The following MUC17 variants were observed in gnomAD, a reference collection of about 807,000 sequenced individuals.
The protein encoded by MUC17 is mucin-17.
Under a neutral mutation model 170.3 loss-of-function variants are expected in MUC17, and 190 were observed. The observed-to-expected ratio is 1.12, with a 90% CI of 0.99 to 1.26. The LOEUF (loss-of-function observed/expected upper bound fraction) is 1.26, where lower values mean the gene tolerates loss of function less well. Ranked by LOEUF, MUC17 falls within the 50% of genes most tolerant of loss-of-function variation. The pLI is 0.00. For missense variants in MUC17, 6,415 were observed against 5,530.0 expected (o/e 1.16, Z -5.08); for synonymous variants, 2,325 against 2,002.5 (o/e 1.16, Z -4.30).
At chr7:101,054,246 T>C (rs1284459765) in intron 11 of MUC17, among the ~76,000 whole-genome samples, 4 of 152,042 alleles carry the variant, frequency 2.6e-5, no homozygotes, top group Non-Finnish European at 5.9e-5. Flanking sequence ...ACTGAACCAC[T>C]GGGGAGACAC....
Position 101,043,782 on chromosome 7 carries a change from C to A in MUC17, c.12366C>A (p.Asn4122Lys), listed in dbSNP as rs1411227432. Residue 4122 changes from asparagine (N) to lysine (K), a missense_variant, in exon 3 of 13, where the codon AAC (asparagine) becomes AAA (lysine). Transcript: ENST00000306151. Reference sequence around the variant, plus strand: ...CCACGAATACTACAATTAAGAGCAACCCCACCTCAACTCCTACTGTGCCAA... The same window carrying A: ...CCACGAATACTACAATTAAGAGCAAACCCACCTCAACTCCTACTGTGCCAA... ...AVPTNTTIKS[N>K]PTSTPTVPRT... The A allele has an allele frequency of 1.2e-6, 2 of 1,611,938 alleles. No homozygotes were observed. Among genetic ancestry groups the A allele is most frequent in the Non-Finnish European group, 1.7e-6 (2 of 1,178,458 alleles).
rs1463457648 is a variant in MUC17, at chr7:101,038,556, A to G, written c.7140A>G (p.Thr2380=). 1 of 1,613,556 alleles carries G rather than the reference A, an allele frequency of 6.2e-7. No individual in the cohort carries two copies. The change falls in exon 3 of 13, where the codon ACA becomes ACG. Residue 2380 remains threonine (T), a synonymous_variant. Coordinates refer to ENST00000306151, the MANE Select transcript of MUC17 (RefSeq NM_001040105.2). Reference sequence around the variant, plus strand: ...ATTCTCAAGCCGGTTCATCTCCTACAACTGCTGACGATACTAGCATGCCAA... The same window carrying G: ...ATTCTCAAGCCGGTTCATCTCCTACGACTGCTGACGATACTAGCATGCCAA... ...TTYSQAGSSP[T]TADDTSMPTS...
chr7:101,031,279 G>A (rs1342154458), intron 2 of MUC17, 58 bp downstream of exon 2: 3 of 1,565,926 alleles, frequency 1.9e-6, no homozygotes, highest in Admixed American at 1.8e-5. Flanking sequence ...GAAAGGGCTA[G>A]AGCGACCCCT....
chr7:101,031,235 C>T lies in MUC17; in HGVS notation c.184+14C>T, dbSNP rs966853089. ...ACGTTAGGACAGGTAAGGCAACAGACTCCAAGATCTATCTGGGAAGGTGGC... is the reference window on the plus strand; with the variant it reads ...ACGTTAGGACAGGTAAGGCAACAGATTCCAAGATCTATCTGGGAAGGTGGC... On this transcript the variant is annotated intron_variant, in intron 2 of 12. Transcript: ENST00000306151. 4.4e-6 allele frequency: 7 copies of T among 1,606,186 alleles called. No individual in the cohort carries two copies. The Admixed American group carries it at 1.0e-4, about 23-fold the overall frequency.
In MUC17 at chr7:101,031,106, T is replaced by G. The variant is rs1225267898; in HGVS notation, c.83-14T>G. ...CATGGCTCTGGGATACTAACTCCCC[T>G]TTGTCTCTTTCAGACCTCAGTGTGA... On this transcript the variant is annotated splice_polypyrimidine_tract_variant and intron_variant, in intron 1 of 12. Coordinates refer to ENST00000306151, the MANE Select transcript of MUC17 (RefSeq NM_001040105.2). The G allele has an allele frequency of 1.2e-6, 2 of 1,603,224 alleles. No individual in the cohort carries two copies. The highest frequency in any genetic ancestry group is 1.7e-6 in the Non-Finnish European group (2 of 1,174,528).
Position 101,035,559 on chromosome 7 carries a change from T to C in MUC17, c.4143T>C (p.Ser1381=). ...STEACSSPTT[S]EGTSMPNSNP... The stretch of plus-strand genomic sequence containing the variant: ...AAGCCTGTTCATCTCCTACAACTTC[T>C]GAAGGTACCAGCATGCCAAACTCAA... The change falls in exon 3 of 13, where the codon TCT becomes TCC. Residue 1381 remains serine (S), a synonymous_variant. Coordinates refer to ENST00000306151, the MANE Select transcript of MUC17 (RefSeq NM_001040105.2). 1 of 1,602,498 alleles carries C rather than the reference T, an allele frequency of 6.2e-7. No homozygotes were observed. The highest frequency in any genetic ancestry group is 8.5e-7 in the Non-Finnish European group (1 of 1,173,486).
At chr7:101,048,776 C>A (rs1337555876) in intron 4 of MUC17, 69 bp from the exon 5 acceptor site, 2 of 1,583,618 alleles carry the variant, frequency 1.3e-6, no homozygotes, top group Non-Finnish European at 1.7e-6. Flanking sequence ...TCCCTCCACC[C>A]AGGCTGGGGG....
Position 101,031,970 on chromosome 7 carries a change from G to C in MUC17, c.554G>C (p.Ser185Thr), listed in dbSNP as rs141443818. The C allele has an allele frequency of 6.8e-6, 11 of 1,613,968 alleles. No homozygotes were observed. In the African/African-American group the frequency reaches 1.2e-4, roughly 18 times the overall value. ...TCTTTAACATATAAGGTTGATATGA[G>C]CACACCTCTGACCACTTCTACTCAG... ...YTSLTYKVDM[S>T]TPLTTSTQAS... The change falls in exon 3 of 13, where the codon AGC becomes ACC. Residue 185 changes from serine to threonine, a missense_variant. Physicochemically the swap from Ser to Thr is moderately conservative, Grantham distance 58. Transcript: ENST00000306151.
At chr7:101,053,279 C>T in intron 10 of MUC17, 60 bp from the exon 11 acceptor site, 1 of 1,587,366 alleles carries the variant, frequency 6.3e-7, no homozygotes, top group Non-Finnish European at 8.6e-7. Flanking sequence ...ACAGCTTGTC[C>T]CTGGTCCTTA....
chr7:101,034,085 T>G lies in MUC17; in HGVS notation c.2669T>G (p.Val890Gly). The stretch of plus-strand genomic sequence containing the variant: ...ATCAGCACCCTTTCAACAACTCCTG[T>G]TGACACCAGCACACCTGTGACCAAT... ...SAISTLSTTP[V>G]DTSTPVTNST... The change falls in exon 3 of 13, where the codon GTT becomes GGT. Residue 890 changes from valine (V) to glycine (G), a missense_variant. Physicochemically the swap from Val to Gly is moderately radical, Grantham distance 109. Coordinates refer to ENST00000306151, the MANE Select transcript of MUC17 (RefSeq NM_001040105.2). The G allele has an allele frequency of 1.3e-6, 2 of 1,584,502 alleles. No homozygotes were observed. Among genetic ancestry groups the G allele is most frequent in the Non-Finnish European group, 1.7e-6 (2 of 1,165,022 alleles).
chr7:101,030,230 C>CTTTTTTTTTTT (rs57980303), intron 1 of MUC17, among the ~76,000 whole-genome samples: 1 of 136,188 alleles, frequency 7.3e-6, no homozygotes. Flanking sequence ...ACAATGTTGG[C>CTTTTTTTTTTT]TTTTTTTTTT....
At position 101,052,991 on chromosome 7, in the gene MUC17, T is replaced by A; in HGVS notation, c.13109T>A (p.Val4370Glu). 6.2e-7 allele frequency: 1 copy of A among 1,612,662 alleles called. No homozygotes were observed. The highest frequency in any genetic ancestry group is 8.5e-7 in the Non-Finnish European group (1 of 1,179,266). ...MSLSGPQCLC[V>E]TTETHWYSGE... ...CCGCTTCTCTCCCATCTCAGCTGCG[T>A]GACCACGGAAACTCACTGGTACAGT... Residue 4370 changes from valine to glutamate, a missense_variant, in exon 10 of 13, where the codon GTG becomes GAG. Val to Glu is a moderately radical substitution (Grantham distance 121). Coordinates refer to ENST00000306151, the MANE Select transcript of MUC17 (RefSeq NM_001040105.2).
chr7:101,050,392 C>T (rs987268182), intron 6 of MUC17, 92 bp from the exon 7 acceptor site: 1 of 1,528,270 alleles, frequency 6.5e-7, no homozygotes, highest in African/African-American at 1.4e-5. Context: ...TCTGCCTTCC[C>T]TTGGGATCAG....
rs1794423217 is a variant in MUC17, at chr7:101,035,121, G to C, written c.3705G>C (p.Glu1235Asp). The C allele has an allele frequency of 1.9e-6, 3 of 1,610,226 alleles. No individual in the cohort carries two copies. Among genetic ancestry groups the C allele is most frequent in the Non-Finnish European group, 2.5e-6 (3 of 1,178,446 alleles). ...GACACACGCCAGTGGCCAGTTCTGA[G>C]GCTAGCACCCTTTCAACATCTCCCG... ...PVRHTPVASS[E>D]ASTLSTSPVD... The change falls in exon 3 of 13, where the codon GAG (glutamate) becomes GAC (aspartate). Residue 1235 changes from glutamate to aspartate, a missense_variant. Glu to Asp is a conservative substitution (Grantham distance 45, BLOSUM62 2). Coordinates refer to ENST00000306151, the MANE Select transcript of MUC17 (RefSeq NM_001040105.2).
In MUC17 at chr7:101,049,317, C is replaced by CT; in HGVS notation, c.12664-4dup. ...CTGGGATGACACAGTGGCCCCTTGC[C>CT]TTTCAGATGAATATTGTGTATTCCG... On this transcript the variant is annotated splice_polypyrimidine_tract_variant and splice_region_variant and intron_variant, in intron 5 of 12. Transcript: ENST00000306151. 1 of 1,614,150 alleles carries CT rather than the reference C, an allele frequency of 6.2e-7. No homozygotes were observed. Among genetic ancestry groups the CT allele is most frequent in the South Asian group, 1.1e-5 (1 of 91,080 alleles).
In MUC17 at chr7:101,038,324, C is replaced by T. The variant is rs137882593; in HGVS notation, c.6908C>T (p.Pro2303Leu). 562 of 1,613,700 alleles carry T rather than the reference C, an allele frequency of 3.5e-4. 3 individuals carry two copies. In the African/African-American group the frequency reaches 6.8e-3, roughly 20 times the overall value. The change falls in exon 3 of 13, where the codon CCT (proline) becomes CTT (leucine). Residue 2303 changes from proline (P) to leucine (L), a missense_variant. Transcript: ENST00000306151. ...GAGGTTAGCACCCTTTCAACAACTC[C>T]TGTTGACTCCAACACTCCTTTCACT... ...NSEVSTLSTT[P>L]VDSNTPFTTS... is the part of the protein sequence containing the mutation.
rs773888953 is a variant in MUC17, at chr7:101,033,405, A to G, written c.1989A>G (p.Ser663=). Residue 663 remains serine, a synonymous_variant, in exon 3 of 13, where the codon TCA becomes TCG. Coordinates refer to ENST00000306151, the MANE Select transcript of MUC17 (RefSeq NM_001040105.2). ...PVDSNTPVTT[S]TEATSSSTTA... ...ACTCCAACACTCCTGTGACCACTTC[A>G]ACTGAAGCCACTTCATCTTCTACAA... 6.2e-7 allele frequency: 1 copy of G among 1,603,434 alleles called. No individual in the cohort carries two copies. Among genetic ancestry groups the G allele is most frequent in the Non-Finnish European group, 8.5e-7 (1 of 1,176,094 alleles).
rs781120235 is a variant in MUC17, at chr7:101,042,131, G to A, written c.10715G>A (p.Ser3572Asn). The change falls in exon 3 of 13, where the codon AGT becomes AAT. Residue 3572 changes from serine to asparagine, a missense_variant. Ser to Asn is a conservative substitution (Grantham distance 46, BLOSUM62 1). Coordinates refer to ENST00000306151, the MANE Select transcript of MUC17 (RefSeq NM_001040105.2). ...ACCACTATGCGTATGTCTACTCCAAGTGAAGGAAGCTCTTCATTAACAACT... is the reference window on the plus strand; with the variant it reads ...ACCACTATGCGTATGTCTACTCCAAATGAAGGAAGCTCTTCATTAACAACT... ...QVTTMRMSTPSEGSSSLTTML... is the reference protein window; with the variant it reads ...QVTTMRMSTPNEGSSSLTTML... 2 of 1,614,072 alleles carry A rather than the reference G, an allele frequency of 1.2e-6. No homozygotes were observed. Among genetic ancestry groups the A allele is most frequent in the African/African-American group, 2.7e-5 (2 of 74,926 alleles).
At position 101,035,825 on chromosome 7, in the gene MUC17, C is replaced by G. The variant is rs1374508708; in HGVS notation, c.4409C>G (p.Ser1470Cys). ...GTCAGCAACACGCCGGTGGCCAATTCTGAGGCTAGCACCCTTTCAACAACT... is the reference window on the plus strand; with the variant it reads ...GTCAGCAACACGCCGGTGGCCAATTGTGAGGCTAGCACCCTTTCAACAACT... ...IPVSNTPVAN[S>C]EASTLSTTPV... Residue 1470 changes from serine to cysteine, a missense_variant, in exon 3 of 13, where the codon TCT (serine) becomes TGT (cysteine). Transcript: ENST00000306151. 6.2e-7 allele frequency: 1 copy of G among 1,600,676 alleles called. No homozygotes were observed. The highest frequency in any genetic ancestry group is 8.5e-7 in the Non-Finnish European group (1 of 1,172,778).
Sources: gnomAD v4.1 joint callset for allele counts (sites outside exome capture counted in the v4.1 genomes callset) on GRCh38, gnomAD v4.1.1 for gene constraint, MANE v1.5 for transcripts, NCBI Gene and HGNC (gene_info 2026-07-23, HGNC 2026-07-21) for gene names.